Variants in EIF4E3 observed in about 807,000 individuals in gnomAD.
The protein encoded by EIF4E3 is eukaryotic translation initiation factor 4E type 3.
EIF4E3 carries 26 observed loss-of-function variants against 31.7 expected under a neutral mutation model. The ratio of observed to expected loss-of-function variants is 0.82; its 90% CI spans 0.60 to 1.14. The LOEUF is 1.14. EIF4E3 is among the 50% of genes most tolerant of loss of function. EIF4E3 has a pLI of 0.00. For synonymous variants in EIF4E3, 128 were observed against 107.7 expected, an observed-to-expected ratio of 1.19 and a Z score of -1.17; for missense variants, 304 against 270.9, an observed-to-expected ratio of 1.12 and a Z score of -0.86.
At chr3:71,747,991 C>A (rs1336068095) in intron 1 of EIF4E3, among the ~76,000 whole-genome samples, 2 of 152,220 alleles carry the variant, frequency 1.3e-5, no homozygotes, top group African/African-American at 2.4e-5. Flanking sequence ...ATGCAGTGAT[C>A]ATTTTTCTTC....
At chr3:71,735,353 G>T (rs1384389168) in intron 1 of EIF4E3, among the ~76,000 whole-genome samples, 1 of 152,148 alleles carries the variant, frequency 6.6e-6, no homozygotes, top group Non-Finnish European at 1.5e-5. Context: ...TGAATCCTAT[G>T]ATATAAATCT....
intron 1 of EIF4E3, among the ~76,000 whole-genome samples, chr3:71,740,874 C>G (rs1252175895): frequency 6.6e-6 from 1 of 152,198 alleles, no homozygotes; most frequent in African/African-American, 2.4e-5. Context: ...CGGTGGCTCA[C>G]GCCTGTAATC....
chr3:71,740,959 AC>A (rs1358511994), intron 1 of EIF4E3, among the ~76,000 whole-genome samples: 7 of 151,936 alleles, frequency 4.6e-5, no homozygotes, highest in Admixed American at 1.3e-4. Context: ...ACATGGTGAA[AC>A]CCTGTCTCTA....
rs552170134 is a variant in EIF4E3 at position 71,689,449 on chromosome 3, T to C, written c.628+561A>G. ...GAAAATGAATCATGATGGAAAACAA[T>C]GGGTCCACACACCTATTCATACTGT... On this transcript the variant is annotated intron_variant, in intron 6 of 6. Coordinates refer to ENST00000425534, the MANE Select transcript of EIF4E3 (RefSeq NM_001134651.2). Among the ~76,000 whole-genome samples, 16 of 152,304 alleles carry C rather than the reference T, an allele frequency of 1.1e-4. No homozygotes were observed. The South Asian group carries it at 3.1e-3, about 30-fold the overall frequency.
In EIF4E3 at chr3:71,680,183, T is replaced by A. The variant is rs2048907094; in HGVS notation, c.*4499A>T. On this transcript the variant is annotated 3_prime_UTR_variant, in exon 7 of 7. Coordinates refer to ENST00000425534, the MANE Select transcript of EIF4E3 (RefSeq NM_001134651.2). Reference sequence around the variant, plus strand: ...TATCATACATTGGAATCAGGTCACCTGACAGAGCTTAGGGTTGGGAGGCTT... The same window carrying A: ...TATCATACATTGGAATCAGGTCACCAGACAGAGCTTAGGGTTGGGAGGCTT... 6.6e-6 allele frequency: 1 copy of A among 152,206 alleles called. No individual in the cohort carries two copies. Among genetic ancestry groups the A allele is most frequent in the African/African-American group, 2.4e-5 (1 of 41,448 alleles). 9.4% of individuals were successfully genotyped at this position (152,206 alleles called of 1,614,324 possible). A position where few individuals can be genotyped will look rare whatever the true frequency, so the allele number is the denominator to read the frequency against.
At chr3:71,668,722 G>A in the EIF4E3 span, among the ~76,000 whole-genome samples, 3 of 152,136 alleles carry the variant, frequency 2.0e-5, no homozygotes, top group East Asian at 1.9e-4. Context: ...TTAGAATGGC[G>A]ATCATTAAAA....
chr3:71,742,420 C>T (rs960681197), intron 1 of EIF4E3, among the ~76,000 whole-genome samples: 5 of 151,938 alleles, frequency 3.3e-5, no homozygotes, highest in African/African-American at 1.2e-4. Flanking sequence ...AGACATAAAC[C>T]ACCAAAATGT....
chr3:71,742,259 A>G (rs1009908000), intron 1 of EIF4E3, among the ~76,000 whole-genome samples: 1 of 152,148 alleles, frequency 6.6e-6, no homozygotes, highest in African/African-American at 2.4e-5. Context: ...TGGCAGGACT[A>G]TTCAGGGAAA....
Position 71,696,457 on chromosome 3 carries a change from T to C in EIF4E3, c.405+3A>G, listed in dbSNP as rs1251055031. The C allele has an allele frequency of 1.9e-6, 3 of 1,614,044 alleles. No individual in the cohort carries two copies. Among genetic ancestry groups the C allele is most frequent in the East Asian group, 2.2e-5 (1 of 44,884 alleles). On this transcript the variant is annotated splice_donor_region_variant and intron_variant, in intron 4 of 6. Coordinates refer to ENST00000425534, the MANE Select transcript of EIF4E3 (RefSeq NM_001134651.2). ...TTCTAGAAGAGGATCAGTAGGAACC[T>C]ACCGTGCTGTCCTTGGGGACTTTCA...
At chr3:71,716,945 T>A (rs182768815) in intron 1 of EIF4E3, among the ~76,000 whole-genome samples, 379 of 152,320 alleles carry the variant, frequency 2.5e-3, no homozygotes, top group African/African-American at 8.5e-3. Context: ...CTTTTAAAGA[T>A]ATAATTGCTG....
At position 71,752,810 on chromosome 3, in the gene EIF4E3, G is replaced by A. The variant is rs1169291218; in HGVS notation, c.-291+653C>T. Among the ~76,000 whole-genome samples, 3 of 152,244 alleles carry A rather than the reference G, an allele frequency of 2.0e-5. No individual in the cohort carries two copies. The South Asian group carries it at 6.2e-4, about 31-fold the overall frequency. Reference sequence around the variant, plus strand: ...ACGGGTTAGAAGGAGGCCCTACGGAGAGGGAGCCTGTTGTGGGGCTGGTCC... The same window carrying A: ...ACGGGTTAGAAGGAGGCCCTACGGAAAGGGAGCCTGTTGTGGGGCTGGTCC... On this transcript the variant is annotated intron_variant, in intron 1 of 7. Coordinates refer to the EIF4E3 transcript ENST00000295612.
At position 71,680,390 on chromosome 3, in the gene EIF4E3, T is replaced by C. The variant is rs986057043; in HGVS notation, c.*4292A>G. ...GTATCTGAGTGATTTTGCTGCATGC[T>C]AAGGGGTGAGAAGCACTGGTAGATG... is the stretch of plus-strand genomic sequence containing the variant. On this transcript the variant is annotated 3_prime_UTR_variant, in exon 7 of 7. Transcript: ENST00000425534. 1.3e-5 allele frequency: 2 copies of C among 152,200 alleles called. No individual in the cohort carries two copies. Among genetic ancestry groups the C allele is most frequent in the African/African-American group, 2.4e-5 (1 of 41,450 alleles). 9.4% of individuals were successfully genotyped at this position (152,200 alleles called of 1,614,324 possible). A position where few individuals can be genotyped will look rare whatever the true frequency, so the allele number is the denominator to read the frequency against.
chr3:71,710,420 T>C lies in EIF4E3; in HGVS notation c.241A>G (p.Thr81Ala). The stretch of plus-strand genomic sequence containing the variant: ...CCCTCTCTTGATCTTACCTGTACTG[T>C]CTGTACTGTGTAGATTTTCTTCAGA... ...SNLKKIYTVQTVQIFWSVYNN... is the reference protein window; with the variant it reads ...SNLKKIYTVQAVQIFWSVYNN... The change falls in exon 2 of 7, where the codon ACA becomes GCA. Residue 81 changes from threonine to alanine, a missense_variant. Transcript: ENST00000425534. The C allele has an allele frequency of 1.3e-6, 2 of 1,552,124 alleles. No individual in the cohort carries two copies. The highest frequency in any genetic ancestry group is 2.4e-5 in the East Asian group (1 of 40,916).
chr3:71,721,684 C>T (rs188036132), intron 1 of EIF4E3, among the ~76,000 whole-genome samples: 2,393 of 152,244 alleles, frequency 0.016, 65 homozygotes, highest in African/African-American at 0.05. Context: ...GAAGAAGGTG[C>T]CTGCTTCTCC....
At chr3:71,668,126 C>A in the EIF4E3 span, among the ~76,000 whole-genome samples, 2 of 152,168 alleles carry the variant, frequency 1.3e-5, no homozygotes, top group African/African-American at 2.4e-5. Context: ...TGATCTTTGA[C>A]AAACCTGACA....
chr3:71,694,726 T>C (rs902235760), intron 4 of EIF4E3, among the ~76,000 whole-genome samples: 9 of 152,230 alleles, frequency 5.9e-5, no homozygotes, highest in African/African-American at 1.9e-4. Context: ...TAGAGGCTGC[T>C]TGCTATCTGC....
rs576645072 is a variant in EIF4E3, at chr3:71,712,894, T to G, written c.177-2410A>C. ...AAAGCACTGATGAAAATTTGCTATA[T>G]ATGGTTCTTTTTAAATGCCTCCGTC... On this transcript the variant is annotated intron_variant, in intron 1 of 6. Transcript: ENST00000425534. 2.1e-5 allele frequency among the ~76,000 whole-genome samples: 3 copies of G among 145,694 alleles called. No homozygotes were observed. In the East Asian group the frequency reaches 6.0e-4, roughly 29 times the overall value.
chr3:71,666,459 A>C, the EIF4E3 span, among the ~76,000 whole-genome samples: 1 of 151,882 alleles, frequency 6.6e-6, no homozygotes, highest in Admixed American at 6.5e-5. Flanking sequence ...TTAATAGCCT[A>C]CCTCCCAAAA....
At position 71,678,595 on chromosome 3, in the gene EIF4E3, A is replaced by G. The variant is rs1176383481; in HGVS notation, c.*6087T>C. The G allele has an allele frequency of 6.6e-6, 1 of 152,166 alleles. No homozygotes were observed. Among genetic ancestry groups the G allele is most frequent in the Non-Finnish European group, 1.5e-5 (1 of 68,020 alleles). The allele number at this position is 152,166 out of a possible 1,614,324, so 9.4% of individuals were successfully genotyped here. The stretch of plus-strand genomic sequence containing the variant: ...ATATAAAATCAAAAATAACTAGAAC[A>G]GAAAAGTTTTCAGTCTGACCTTAAA... On this transcript the variant is annotated 3_prime_UTR_variant, in exon 7 of 7. Coordinates refer to ENST00000425534, the MANE Select transcript of EIF4E3 (RefSeq NM_001134651.2).
Sources: gnomAD v4.1 joint callset for allele counts (sites outside exome capture counted in the v4.1 genomes callset) on GRCh38, gnomAD v4.1.1 for gene constraint, MANE v1.5 for transcripts, NCBI Gene and HGNC (gene_info 2026-07-23, HGNC 2026-07-21) for gene names.